The following HYAL1 variants were observed in gnomAD, a reference collection of about 807,000 sequenced individuals.
The protein encoded by HYAL1 is hyaluronidase 1.
Under a neutral mutation model 28.8 loss-of-function variants are expected in HYAL1, and 21 were observed. The observed-to-expected ratio is 0.73, with a 90% CI of 0.52 to 1.05. The LOEUF is 1.05. HYAL1 is among the 50% of genes least tolerant of loss of function. The pLI is 0.00. For synonymous variants in HYAL1, 200 were observed against 230.1 expected, an observed-to-expected ratio of 0.87 and a Z score of 1.18; for missense variants, 491 against 579.2, an observed-to-expected ratio of 0.85 and a Z score of 1.56.
chr3:50,307,693 A>C (rs1291511056), upstream of HYAL1, among the ~76,000 whole-genome samples: 14 of 149,740 alleles, frequency 9.3e-5, 1 homozygote, highest in Non-Finnish European at 1.3e-4. Context: ...AAAAAAAAAA[A>C]AAAAAAAAAA....
chr3:50,300,111 T>G lies in HYAL1; in HGVS notation c.*372A>C. The G allele has an allele frequency of 3.1e-6, 1 of 321,106 alleles. No individual in the cohort carries two copies. The highest frequency in any genetic ancestry group is 6.1e-6 in the Non-Finnish European group (1 of 165,040). The allele number at this position is 321,106 out of a possible 1,614,324, so 19.9% of individuals were successfully genotyped here. ...ACTCAGTTTCCTCATAGCCTCATTG[T>G]GAGGAATGAATAAGTCCACATAAAA... On this transcript the variant is annotated 3_prime_UTR_variant, in exon 4 of 4. Transcript: ENST00000395144.
chr3:50,311,354 C>T (rs1157966675), intron 1 of HYAL1, among the ~76,000 whole-genome samples: 31 of 138,408 alleles, frequency 2.2e-4, no homozygotes, highest in South Asian at 1.7e-3. Context: ...GGCGGCTGGC[C>T]GGGCAGAGGG....
chr3:50,300,939 T>TGGGGGGGGGGCG, intron 3 of HYAL1, 49 bp downstream of exon 3: 1 of 959,410 alleles, frequency 1.0e-6, no homozygotes, highest in Non-Finnish European at 1.7e-6. Context: ...GTCAGCTTAA[T>TGGGGGGGGGGCG]GGCCCCACCC....
At position 50,300,348 on chromosome 3, in the gene HYAL1, A is replaced by T; in HGVS notation, c.*135T>A. 1.2e-6 allele frequency: 1 copy of T among 850,634 alleles called. No homozygotes were observed. Among genetic ancestry groups the T allele is most frequent in the Non-Finnish European group, 2.0e-6 (1 of 509,030 alleles). The allele number at this position is 850,634 out of a possible 1,614,324, so 52.7% of individuals were successfully genotyped here. ...GTAAGTATGCATGTGTGTGCAGGGA[A>T]TATGCCTGTGACAGTGGCTGAGTGT... On this transcript the variant is annotated 3_prime_UTR_variant, in exon 4 of 4. Transcript: ENST00000395144.
At chr3:50,307,247 C>T (rs587668728), upstream of HYAL1, among the ~76,000 whole-genome samples, 3 of 150,910 alleles carry the variant, frequency 2.0e-5, no homozygotes, top group Non-Finnish European at 4.4e-5. Flanking sequence ...TGCCTATAAT[C>T]CCAGCTACTT....
At chr3:50,304,025 T>G (rs1381959292), upstream of HYAL1, 5 of 151,934 alleles carry the variant, frequency 3.3e-5, no homozygotes, top group Non-Finnish European at 7.4e-5. Context: ...TCCTAGCACT[T>G]TGGGAAGCCG....
At chr3:50,305,848 G>A (rs182099907), upstream of HYAL1, among the ~76,000 whole-genome samples, 109 of 151,470 alleles carry the variant, frequency 7.2e-4, 2 homozygotes, top group Admixed American at 6.6e-3. Context: ...TACTTCTTAC[G>A]TATTGATAGA....
chr3:50,307,612 C>T (rs1702357508), upstream of HYAL1, among the ~76,000 whole-genome samples: 1 of 115,850 alleles, frequency 8.6e-6, no homozygotes, highest in Admixed American at 1.1e-4. Context: ...ACCCGGGAGG[C>T]GGAGCTTGCA....
chr3:50,302,238 C>T lies in HYAL1; in HGVS notation c.719G>A (p.Arg240His), dbSNP rs782793045. The change falls in exon 2 of 4, where the codon CGT becomes CAT. Residue 240 changes from arginine (R) to histidine (H), a missense_variant. Physicochemically the swap from Arg to His is conservative, Grantham distance 29. Transcript: ENST00000395144. The surrounding 1 kb of genome is among the most constrained non-coding windows in gnomAD (Gnocchi z 5.0). ...DQLGWLWGQS[R>H]ALYPSIYMPA... ...CATGTAGATGCTGGGATAGAGGGCA[C>T]GGCTCTGGCCCCACAGCCACCCTAG... 9.8e-5 allele frequency: 158 copies of T among 1,613,878 alleles called. No individual in the cohort carries two copies. The highest frequency in any genetic ancestry group is 1.2e-4 in the Non-Finnish European group (142 of 1,180,034).
At chr3:50,306,244 G>A (rs74343884), upstream of HYAL1, among the ~76,000 whole-genome samples, 2 of 97,916 alleles carry the variant, frequency 2.0e-5, no homozygotes, top group Non-Finnish European at 3.9e-5. Flanking sequence ...TTTTTTTTTG[G>A]AGTTTTACTT....
In HYAL1 at chr3:50,300,469, C is replaced by CA. The variant is rs1553712364; in HGVS notation, c.*13dup. The CA allele has an allele frequency of 6.2e-7, 1 of 1,613,930 alleles. No homozygotes were observed. Among genetic ancestry groups the CA allele is most frequent in the Non-Finnish European group, 8.5e-7 (1 of 1,179,850 alleles). On this transcript the variant is annotated 3_prime_UTR_variant, in exon 4 of 4. Coordinates refer to ENST00000395144, the MANE Select transcript of HYAL1 (RefSeq NM_033159.4). The stretch of plus-strand genomic sequence containing the variant: ...CATTAGGTTCTCAATATGTGCAACT[C>CA]AGTGTGTGGCCAATCACCACATGCT...
chr3:50,302,315 G>T lies in HYAL1; in HGVS notation c.642C>A (p.Ser214Arg). The T allele has an allele frequency of 1.2e-6, 2 of 1,613,534 alleles. No individual in the cohort carries two copies. Among genetic ancestry groups the T allele is most frequent in the Non-Finnish European group, 8.5e-7 (1 of 1,180,008 alleles). ...ATGGGCACTGGCCGGTGTAGTTGGG[G>T]CTTAGAAAGTCATAGTTGTAGCAGT... ...FPDCYNYDFL[S>R]PNYTGQCPSG... Residue 214 changes from serine to arginine, a missense_variant, in exon 2 of 4, where the codon AGC becomes AGA. By Grantham distance (110) the Ser-to-Arg change is moderately radical. Coordinates refer to ENST00000395144, the MANE Select transcript of HYAL1 (RefSeq NM_033159.4). The surrounding 1 kb of genome is among the most constrained non-coding windows in gnomAD (Gnocchi z 5.0).
intron 3 of HYAL1, 91 bp from the exon 4 acceptor site, chr3:50,300,891 G>T: frequency 3.3e-6 from 5 of 1,530,896 alleles, no homozygotes; most frequent in Non-Finnish European, 4.5e-6. Context: ...GGTCAGCCAG[G>T]ACTTTGCAGG....
At chr3:50,311,677 C>T (rs587764585) in intron 1 of HYAL1, among the ~76,000 whole-genome samples, 15 of 144,466 alleles carry the variant, frequency 1.0e-4, no homozygotes, top group Admixed American at 6.2e-4. Context: ...GGGCTGACCC[C>T]CCAACCTCCC....
Position 50,302,418 on chromosome 3 carries a change from C to T in HYAL1, c.539G>A (p.Arg180Gln), listed in dbSNP as rs782751421. The change falls in exon 2 of 4, where the codon CGG (arginine) becomes CAG (glutamine). Residue 180 changes from arginine to glutamine, a missense_variant. Arg to Gln is a conservative substitution (Grantham distance 43, BLOSUM62 1). Transcript: ENST00000395144. This position sits in a 1 kb window ranked among gnomAD's most constrained non-coding sequence, Gnocchi z 5.0. ...VAQDQFQGAA[R>Q]AWMAGTLQLG... Reference sequence around the variant, plus strand: ...CTGGAGGGTGCCTGCCATCCAGGCCCGTGCAGCTCCCTGGAACTGGTCCTG... The same window carrying T: ...CTGGAGGGTGCCTGCCATCCAGGCCTGTGCAGCTCCCTGGAACTGGTCCTG... The T allele has an allele frequency of 1.2e-5, 19 of 1,613,744 alleles. No individual in the cohort carries two copies. Among genetic ancestry groups the T allele is most frequent in the South Asian group, 5.5e-5 (5 of 91,088 alleles).
chr3:50,302,971 C>A lies in HYAL1; in HGVS notation c.-15G>T. ...TGGGCTGCCATGGCACGGGACTGGT[C>A]GAGGACAACCTGGCCAGGGGAGGCA... On this transcript the variant is annotated 5_prime_UTR_variant, in exon 2 of 4. Transcript: ENST00000395144. The surrounding 1 kb of genome is among the most constrained non-coding windows in gnomAD (Gnocchi z 5.0). 1 of 1,541,946 alleles carries A rather than the reference C, an allele frequency of 6.5e-7. No individual in the cohort carries two copies. The highest frequency in any genetic ancestry group is 1.3e-5 in the South Asian group (1 of 79,488).
intron 2 of HYAL1, 101 bp downstream of exon 2, chr3:50,301,956 A>G (rs1410042388): frequency 6.3e-5 from 86 of 1,357,746 alleles, no homozygotes; most frequent in Non-Finnish European, 8.0e-5. Flanking sequence ...GTCTCAAAAA[A>G]AAAAAAACGA....
At chr3:50,305,683 G>A (rs901902903), upstream of HYAL1, among the ~76,000 whole-genome samples, 23 of 150,530 alleles carry the variant, frequency 1.5e-4, 1 homozygote, top group African/African-American at 4.2e-4. Context: ...CTACAGGCGC[G>A]TGCCACCACA....
rs1373501000 is a variant in HYAL1 at position 50,311,614 on chromosome 3, C to T, written c.-310+650G>A. 2.3e-4 allele frequency among the ~76,000 whole-genome samples: 31 copies of T among 137,420 alleles called. No individual in the cohort carries two copies. The East Asian group carries it at 2.5e-3, about 11-fold the overall frequency. 90.2% of individuals were successfully genotyped at this position (137,420 alleles called of 152,430 possible). A position where few individuals can be genotyped will look rare whatever the true frequency, so the allele number is the denominator to read the frequency against. On this transcript the variant is annotated intron_variant, in intron 1 of 5. Coordinates refer to the HYAL1 transcript ENST00000320295. ...CTCCCGGACGGGGCGGCTGGCCGGG[C>T]GGGGGGCTGACCCCCCCACCTCCCT... is the stretch of plus-strand genomic sequence containing the variant.
Sources: gnomAD v4.1 joint callset for allele counts (sites outside exome capture counted in the v4.1 genomes callset) on GRCh38, gnomAD v4.1.1 for gene constraint, Gnocchi (gnomAD v3.1) non-coding constraint, MANE v1.5 for transcripts, NCBI Gene and HGNC (gene_info 2026-07-23, HGNC 2026-07-21) for gene names.